The following BFSP1 variants were observed in gnomAD, a reference collection of about 807,000 sequenced individuals.
BFSP1 encodes the protein beaded filament structural protein 1.
Under a neutral mutation model 43.9 loss-of-function variants are expected in BFSP1, and 38 were observed. That is an observed-to-expected ratio of 0.87 (90% CI 0.67 to 1.14). The LOEUF is 1.14. Among genes scored for constraint, BFSP1 ranks in the 50% most tolerant of loss-of-function variants. BFSP1 has a pLI of 0.00. For missense variants in BFSP1, 850 were observed against 875.1 expected, an observed-to-expected ratio of 0.97 and a Z score of 0.36; for synonymous variants, 352 against 354.8, an observed-to-expected ratio of 0.99 and a Z score of 0.09.
At chr20:17,550,704 C>T (rs535498790) in intron 1 of BFSP1, among the ~76,000 whole-genome samples, 4 of 152,248 alleles carry the variant, frequency 2.6e-5, no homozygotes, top group Admixed American at 2.6e-4. Flanking sequence ...AACTCCTGAC[C>T]TCAGGTGATC....
chr20:17,501,804 CA>C (rs1434343307), intron 5 of BFSP1, among the ~76,000 whole-genome samples: 1 of 152,166 alleles, frequency 6.6e-6, no homozygotes, highest in Non-Finnish European at 1.5e-5. Context: ...GTTATAGGAC[CA>C]GGGGTGGGCC....
Position 17,531,222 on chromosome 20 carries a change from A to G in BFSP1, c.108T>C (p.Ala36=). 10 of 1,354,244 alleles carry G rather than the reference A, an allele frequency of 7.4e-6. No homozygotes were observed. The highest frequency in any genetic ancestry group is 9.5e-6 in the Non-Finnish European group (10 of 1,052,964). 83.9% of individuals were successfully genotyped at this position (1,354,244 alleles called of 1,614,324 possible). A position where few individuals can be genotyped will look rare whatever the true frequency, so the allele number is the denominator to read the frequency against. ...EPERPADEGW[A]GATSLAALQG... ...GCAGCGCCGCCAGGCTCGTTGCCCC[A>G]GCCCAGCCCTCGTCGGCCGGGCGCT... is the stretch of plus-strand genomic sequence containing the variant. The change falls in exon 1 of 8, where the codon GCT becomes GCC. Residue 36 remains alanine (A), a synonymous_variant. Coordinates refer to ENST00000377873, the MANE Select transcript of BFSP1 (RefSeq NM_001195.5).
In BFSP1 at chr20:17,558,810, AGGGCCAGGTCT is replaced by A. The variant is rs2035037859; in HGVS notation, c.-132_-122del. On this transcript the variant is annotated 5_prime_UTR_variant, in exon 1 of 8. Transcript: ENST00000377868. Reference sequence around the variant, plus strand: ...CCCAGGACTCCAAAACCCTCTCCAGAGGGCCAGGTCTGGGCTGAGAAAGAAAGGAGGCTTTA... The same window carrying A: ...CCCAGGACTCCAAAACCCTCTCCAGAGGGCTGAGAAAGAAAGGAGGCTTTA... 3 of 1,438,342 alleles carry A rather than the reference AGGGCCAGGTCT, an allele frequency of 2.1e-6. No homozygotes were observed. In the South Asian group the frequency reaches 3.9e-5, roughly 19 times the overall value. The allele number at this position is 1,438,342 out of a possible 1,614,324, so 89.1% of individuals were successfully genotyped here.
rs571099282 is a variant in BFSP1, at chr20:17,525,481, C to T, written c.378-573G>A. ...CTTTTCCCTCCTCCCAGCAGCATCACTCCCCACACAGCGATGGCCTCCTCT... is the reference window on the plus strand; with the variant it reads ...CTTTTCCCTCCTCCCAGCAGCATCATTCCCCACACAGCGATGGCCTCCTCT... On this transcript the variant is annotated intron_variant, in intron 1 of 7. Transcript: ENST00000377873. This position sits in a 1 kb window ranked among gnomAD's most constrained non-coding sequence, Gnocchi z 4.2. Among the ~76,000 whole-genome samples, 139 of 152,336 alleles carry T rather than the reference C, an allele frequency of 9.1e-4. 1 individual carries two copies. The Middle Eastern group carries it at 0.01, about 11-fold the overall frequency.
chr20:17,500,565 T>G (rs1568682351), intron 5 of BFSP1, among the ~76,000 whole-genome samples: 1 of 152,244 alleles, frequency 6.6e-6, no homozygotes, highest in Non-Finnish European at 1.5e-5. Context: ...CACATAATAC[T>G]TGATGATGAT....
At chr20:17,498,724 T>A in intron 6 of BFSP1, 96 bp downstream of exon 6, 1 of 1,373,598 alleles carries the variant, frequency 7.3e-7, no homozygotes, top group Non-Finnish European at 1.0e-6. Context: ...CCCTGACACA[T>A]GCCCACTGCC....
chr20:17,502,526 C>T (rs183275695), intron 5 of BFSP1, among the ~76,000 whole-genome samples: 18 of 152,242 alleles, frequency 1.2e-4, no homozygotes, highest in African/African-American at 3.4e-4. Context: ...AAAAAACACG[C>T]GTGGAGCAAC....
In BFSP1 at chr20:17,525,095, A is replaced by G. The variant is rs958789716; in HGVS notation, c.378-187T>C. Among the ~76,000 whole-genome samples, 8 of 152,100 alleles carry G rather than the reference A, an allele frequency of 5.3e-5. No individual in the cohort carries two copies. Among genetic ancestry groups the G allele is most frequent in the Admixed American group, 5.2e-4 (8 of 15,266 alleles). On this transcript the variant is annotated intron_variant, in intron 1 of 7. Coordinates refer to ENST00000377873, the MANE Select transcript of BFSP1 (RefSeq NM_001195.5). The surrounding 1 kb of genome is among the most constrained non-coding windows in gnomAD (Gnocchi z 4.2). ...GACTGCCTCCCAATCAGAAAGTGGT[A>G]CCATTTGCACACCGCGTGGGGTAAC...
intron 2 of BFSP1, among the ~76,000 whole-genome samples, chr20:17,524,223 T>C (rs998758374): frequency 6.6e-6 from 1 of 152,152 alleles, no homozygotes; most frequent in Non-Finnish European, 1.5e-5. Flanking sequence ...GGTGGGATTC[T>C]CCCAGCAAAA....
chr20:17,547,390 C>T (rs1409079453), intron 1 of BFSP1, among the ~76,000 whole-genome samples: 2 of 152,030 alleles, frequency 1.3e-5, no homozygotes, highest in Non-Finnish European at 2.9e-5. Flanking sequence ...ACTGAAATCT[C>T]TCGCTTACTG....
chr20:17,494,902 T>C lies in BFSP1; in HGVS notation c.1170A>G (p.Pro390=). The change falls in exon 8 of 8, where the codon CCA becomes CCG. Residue 390 remains proline (P), a synonymous_variant. Coordinates refer to ENST00000377873, the MANE Select transcript of BFSP1 (RefSeq NM_001195.5). ...DKTNGALEDA[P]LKGLEDTKLV... ...GCTTTGTGTCTTCCAAACCTTTTAA[T>C]GGTGCATCTTCCAGAGCTCCGTTGG... is the stretch of plus-strand genomic sequence containing the variant. 1.2e-6 allele frequency: 2 copies of C among 1,614,248 alleles called. No homozygotes were observed. Among genetic ancestry groups the C allele is most frequent in the Non-Finnish European group, 1.7e-6 (2 of 1,180,042 alleles).
chr20:17,560,767 G>A (rs2035059889), upstream of BFSP1: 2 of 152,244 alleles, frequency 1.3e-5, no homozygotes, highest in South Asian at 4.1e-4. Context: ...TGTAGTTGCA[G>A]CGGGTGAGGC....
intron 4 of BFSP1, among the ~76,000 whole-genome samples, chr20:17,511,156 A>G (rs2034068994): frequency 6.6e-6 from 1 of 152,210 alleles, no homozygotes; most frequent in Admixed American, 6.5e-5. Flanking sequence ...ACAAAATTCC[A>G]TAAACCATAT....
chr20:17,527,455 C>T (rs1005097701), intron 1 of BFSP1, among the ~76,000 whole-genome samples: 6 of 152,278 alleles, frequency 3.9e-5, no homozygotes, highest in African/African-American at 7.2e-5. Flanking sequence ...TTTCCGGGCG[C>T]GGTGGCTCAC....
At position 17,537,254 on chromosome 20, in the gene BFSP1, G is replaced by C. The variant is rs546691778; in HGVS notation, c.3-12346C>G. ...GGAAAGTGACAGCCCAGGAGTAAAA[G>C]GGCAGGCAGACCCCTGGCTCCCGGA... On this transcript the variant is annotated intron_variant, in intron 1 of 7. Transcript: ENST00000377868. Among the ~76,000 whole-genome samples, 125 of 152,300 alleles carry C rather than the reference G, an allele frequency of 8.2e-4. 1 individual carries two copies. Among genetic ancestry groups the C allele is most frequent in the African/African-American group, 2.8e-3 (118 of 41,562 alleles).
chr20:17,540,938 T>C (rs2034705685), intron 1 of BFSP1: 1 of 152,224 alleles, frequency 6.6e-6, no homozygotes, highest in Non-Finnish European at 1.5e-5. Flanking sequence ...GCTCGTTAGA[T>C]ACTAGGAACG....
chr20:17,501,948 C>T (rs1020415697), intron 5 of BFSP1, among the ~76,000 whole-genome samples: 3 of 152,108 alleles, frequency 2.0e-5, no homozygotes, highest in East Asian at 1.9e-4. Flanking sequence ...TCTGGAGTGG[C>T]GAGCTTTCAT....
chr20:17,555,882 TA>T (rs1438280709), intron 1 of BFSP1, among the ~76,000 whole-genome samples: 1 of 152,106 alleles, frequency 6.6e-6, no homozygotes, highest in Non-Finnish European at 1.5e-5. Context: ...GGACAATTTT[TA>T]CAAGAAGAAC....
chr20:17,545,110 C>T lies in BFSP1; in HGVS notation c.2+13578G>A, dbSNP rs777768423. Among the ~76,000 whole-genome samples the T allele has an allele frequency of 3.9e-5, 6 of 152,144 alleles. No homozygotes were observed. In the South Asian group the frequency reaches 1.0e-3, roughly 26 times the overall value. On this transcript the variant is annotated intron_variant, in intron 1 of 7. Transcript: ENST00000377868. Reference sequence around the variant, plus strand: ...ATGAGGACAAAAGAGTTTTCCCAGGCGAGGCTTCAATGGAGCTTATGCCCA... The same window carrying T: ...ATGAGGACAAAAGAGTTTTCCCAGGTGAGGCTTCAATGGAGCTTATGCCCA...
Sources: gnomAD v4.1 joint callset for allele counts (sites outside exome capture counted in the v4.1 genomes callset) on GRCh38, gnomAD v4.1.1 for gene constraint, Gnocchi (gnomAD v3.1) non-coding constraint, MANE v1.5 for transcripts, NCBI Gene and HGNC (gene_info 2026-07-23, HGNC 2026-07-21) for gene names.